The following AHI1 variants were observed in gnomAD, a reference collection of about 807,000 sequenced individuals.
The protein encoded by AHI1 is Abelson helper integration site 1.
AHI1 carries 123 observed loss-of-function variants against 149.3 expected under a neutral mutation model. That is an observed-to-expected ratio of 0.82 (90% confidence interval 0.71 to 0.96). The LOEUF is 0.96. Among genes scored for constraint, AHI1 ranks in the 40% least tolerant of loss-of-function variants. The pLI, the probability that AHI1 is intolerant of heterozygous loss-of-function variation, is 0.00. For missense variants in AHI1, 1,439 were observed against 1,422.7 expected, an observed-to-expected ratio of 1.01 and a Z score of -0.18; for synonymous variants, 475 against 459.8, an observed-to-expected ratio of 1.03 and a Z score of -0.42.
intron 5 of AHI1, 155 bp downstream of exon 5, chr6:135,490,468 A>AATAT: frequency 1.2e-6 from 1 of 848,714 alleles, no homozygotes; most frequent in East Asian, 2.5e-5. Flanking sequence ...TGTTGATTCT[A>AATAT]ATATAAACTT....
At chr6:135,469,059 A>C (rs1201141710) in intron 5 of AHI1, among the ~76,000 whole-genome samples, 1 of 152,212 alleles carries the variant, frequency 6.6e-6, no homozygotes, top group Non-Finnish European at 1.5e-5. Flanking sequence ...ACAAAGAAAG[A>C]AAAAACAGTT....
intron 13 of AHI1, among the ~76,000 whole-genome samples, chr6:135,446,632 C>A (rs950829600): frequency 6.6e-6 from 1 of 152,106 alleles, no homozygotes. Flanking sequence ...GAAGAGGAGG[C>A]GGGCTCCAAG....
Position 135,299,706 on chromosome 6 carries a change from C to T in AHI1, c.3485+794G>A, listed in dbSNP as rs183209750. Among the ~76,000 whole-genome samples, 426 of 151,922 alleles carry T rather than the reference C, an allele frequency of 2.8e-3. 1 individual carries two copies. The highest frequency in any genetic ancestry group is 9.3e-3 in the South Asian group (45 of 4,816). ...GGTACATTAAGTGACACAGCAAGTACTAATTAAAAATATAAAAACTTTCCA... is the reference window on the plus strand; with the variant it reads ...GGTACATTAAGTGACACAGCAAGTATTAATTAAAAATATAAAAACTTTCCA... On this transcript the variant is annotated intron_variant, in intron 27 of 28. Transcript: ENST00000265602.
At chr6:135,387,999 T>A (rs1562641829) in intron 23 of AHI1, 2 of 1,613,756 alleles carry the variant, frequency 1.2e-6, no homozygotes, top group East Asian at 2.2e-5. Flanking sequence ...TTTTCCACCA[T>A]AATATACATG....
At chr6:135,438,605 A>C (rs953533372) in intron 14 of AHI1, 107 bp from the exon 15 acceptor site, 31 of 868,628 alleles carry the variant, frequency 3.6e-5, no homozygotes, top group Middle Eastern at 4.0e-4. Context: ...CTATAACAAA[A>C]TTATAACCAA....
intron 22 of AHI1, among the ~76,000 whole-genome samples, chr6:135,396,982 T>C (rs115259367): frequency 0.017 from 2,569 of 151,964 alleles, 64 homozygotes; most frequent in African/African-American, 0.059. Flanking sequence ...GAAAGACTTG[T>C]CATTCTTTTA....
intron 22 of AHI1, among the ~76,000 whole-genome samples, chr6:135,397,176 T>C (rs1044877730): frequency 4.6e-5 from 7 of 151,986 alleles, no homozygotes; most frequent in Non-Finnish European, 7.4e-5. Context: ...TAATTATTAC[T>C]GTTATTATTA....
At chr6:135,318,710 G>T in intron 25 of AHI1, 94 bp from the exon 26 acceptor site, 2 of 698,056 alleles carry the variant, frequency 2.9e-6, no homozygotes, top group Non-Finnish European at 4.6e-6. Context: ...TGAAATTAAA[G>T]AAATCGATAT....
chr6:135,304,647 T>A (rs1784328132), intron 26 of AHI1, among the ~76,000 whole-genome samples: 1 of 152,106 alleles, frequency 6.6e-6, no homozygotes, highest in Non-Finnish European at 1.5e-5. Context: ...GGCGGGCACC[T>A]GTAATCCCAG....
intron 13 of AHI1, among the ~76,000 whole-genome samples, chr6:135,445,749 T>A (rs568327895): frequency 3.2e-4 from 49 of 152,040 alleles, no homozygotes; most frequent in East Asian, 1.4e-3. Flanking sequence ...ATTAAAAAAA[T>A]TTTTTTTAAA....
chr6:135,293,219 G>A (rs898548218), intron 27 of AHI1, among the ~76,000 whole-genome samples: 1 of 151,524 alleles, frequency 6.6e-6, no homozygotes, highest in African/African-American at 2.4e-5. Flanking sequence ...CTTAGGAAAG[G>A]GAAACTACCT....
chr6:135,304,599 G>A (rs1033298539), intron 26 of AHI1, among the ~76,000 whole-genome samples: 1 of 151,948 alleles, frequency 6.6e-6, no homozygotes, highest in Non-Finnish European at 1.5e-5. Flanking sequence ...GTGAAACCCC[G>A]GTCTCTACTA....
intron 20 of AHI1, among the ~76,000 whole-genome samples, chr6:135,416,107 A>T (rs1383291704): frequency 6.6e-6 from 1 of 152,144 alleles, no homozygotes; most frequent in Admixed American, 6.6e-5. Flanking sequence ...CAGATAGTAC[A>T]TTTAAATAGT....
chr6:135,448,238 C>T (rs914045378), intron 12 of AHI1, 52 bp downstream of exon 12: 6 of 1,255,776 alleles, frequency 4.8e-6, no homozygotes, highest in Non-Finnish European at 6.4e-6. Context: ...GCTATGTCAC[C>T]ATTTAATTTC....
intron 5 of AHI1, among the ~76,000 whole-genome samples, chr6:135,488,160 T>C (rs923890051): frequency 6.6e-6 from 1 of 152,180 alleles, no homozygotes; most frequent in African/African-American, 2.4e-5. Flanking sequence ...ATTTTCTAGA[T>C]ATAGTTCTCA....
At chr6:135,491,106 A>G (rs562092964) in intron 4 of AHI1, among the ~76,000 whole-genome samples, 38 of 152,330 alleles carry the variant, frequency 2.5e-4, no homozygotes, top group African/African-American at 8.9e-4. Flanking sequence ...AATCACAATT[A>G]TCTTATGCCA....
At chr6:135,352,808 TG>T (rs1453163920) in intron 24 of AHI1, among the ~76,000 whole-genome samples, 4 of 94,996 alleles carry the variant, frequency 4.2e-5, no homozygotes, top group Non-Finnish European at 6.5e-5. Flanking sequence ...CCATGTTTTG[TG>T]GGTTTTTTTT....
Position 135,318,086 on chromosome 6 carries a change from C to T in AHI1, c.3426+433G>A, listed in dbSNP as rs146664733. Among the ~76,000 whole-genome samples the T allele has an allele frequency of 6.6e-3, 1,001 of 152,294 alleles. 14 individuals are homozygous for T. The highest frequency in any genetic ancestry group is 0.023 in the African/African-American group (943 of 41,562). ...ATCCACATTCATTTTAACGTAAAAA[C>T]ATTTTAAATTATTTGCAAGTAAAAG... On this transcript the variant is annotated intron_variant, in intron 26 of 28. Transcript: ENST00000265602.
Position 135,453,331 on chromosome 6 carries a change from A to T in AHI1, c.1440+10T>A. On this transcript the variant is annotated intron_variant, in intron 11 of 28. Coordinates refer to ENST00000265602, the MANE Select transcript of AHI1 (RefSeq NM_001134831.2). Reference sequence around the variant, plus strand: ...AGTTTTAAAGTGTTTAAAATGGATGAAAAACATACCTTAAGAAATGCCCAG... The same window carrying T: ...AGTTTTAAAGTGTTTAAAATGGATGTAAAACATACCTTAAGAAATGCCCAG... 6.4e-7 allele frequency: 1 copy of T among 1,550,652 alleles called. No homozygotes were observed. Among genetic ancestry groups the T allele is most frequent in the Non-Finnish European group, 8.7e-7 (1 of 1,144,622 alleles).
Sources: gnomAD v4.1 joint callset for allele counts (sites outside exome capture counted in the v4.1 genomes callset) on GRCh38, gnomAD v4.1.1 for gene constraint, MANE v1.5 for transcripts, NCBI Gene and HGNC (gene_info 2026-07-23, HGNC 2026-07-21) for gene names.